Variants in KCNK13 observed in about 807,000 individuals in gnomAD.
KCNK13 encodes the protein potassium two pore domain channel subfamily K member 13, also known as potassium channel subfamily K member 13.
Under a neutral mutation model 23.4 loss-of-function variants are expected in KCNK13, and 12 were observed. The observed-to-expected ratio is 0.51, with a 90% CI of 0.33 to 0.83. KCNK13 has a LOEUF of 0.83. Among genes scored for constraint, KCNK13 ranks in the 40% least tolerant of loss-of-function variants. The pLI is 0.02. For synonymous variants in KCNK13, 231 were observed against 229.5 expected (o/e 1.01, Z -0.06); for missense variants, 463 against 556.3 (o/e 0.83, Z 1.69).
chr14:90,117,115 G>A (rs1229863321), intron 1 of KCNK13, among the ~76,000 whole-genome samples: 1 of 152,140 alleles, frequency 6.6e-6, no homozygotes, highest in Non-Finnish European at 1.5e-5. Context: ...CCATTGTTAA[G>A]AAAAAGAAGG....
At chr14:90,138,413 A>G (rs1889963668) in intron 1 of KCNK13, among the ~76,000 whole-genome samples, 1 of 152,126 alleles carries the variant, frequency 6.6e-6, no homozygotes, top group African/African-American at 2.4e-5. Flanking sequence ...CTTTCTCCCA[A>G]TGTGCTGATG....
At chr14:90,127,050 T>A (rs926905807) in intron 1 of KCNK13, among the ~76,000 whole-genome samples, 42 of 152,048 alleles carry the variant, frequency 2.8e-4, no homozygotes, top group African/African-American at 9.4e-4. Flanking sequence ...TAGGGAAAAA[T>A]AAAGGAAGTC....
At chr14:90,093,964 G>A (rs1302160072) in intron 1 of KCNK13, among the ~76,000 whole-genome samples, 2 of 152,136 alleles carry the variant, frequency 1.3e-5, no homozygotes, top group Admixed American at 6.6e-5. Flanking sequence ...AATGGGATTT[G>A]CAGGGGGTGC....
At chr14:90,141,766 T>A (rs568888035) in intron 1 of KCNK13, among the ~76,000 whole-genome samples, 1 of 136,146 alleles carries the variant, frequency 7.3e-6, no homozygotes, top group Non-Finnish European at 1.6e-5. Context: ...CCTTATGCCC[T>A]CTTGGGTTTT....
chr14:90,120,414 T>C (rs916098517), intron 1 of KCNK13, among the ~76,000 whole-genome samples: 5 of 152,134 alleles, frequency 3.3e-5, no homozygotes, highest in African/African-American at 9.7e-5. Flanking sequence ...GGGTAACTTA[T>C]AAAGAAAAGA....
chr14:90,108,084 G>A (rs1037366062), intron 1 of KCNK13: 4 of 501,848 alleles, frequency 8.0e-6, no homozygotes, highest in African/African-American at 3.9e-5. Context: ...ATGAATTTGG[G>A]GGGCACAAAC....
At chr14:90,088,794 T>C (rs1336285035) in intron 1 of KCNK13, among the ~76,000 whole-genome samples, 1 of 152,128 alleles carries the variant, frequency 6.6e-6, no homozygotes, top group East Asian at 1.9e-4. Context: ...GGGAGGTTAT[T>C]GAATTATGGG....
At chr14:90,088,263 C>G (rs1489638295) in intron 1 of KCNK13, among the ~76,000 whole-genome samples, 1 of 152,026 alleles carries the variant, frequency 6.6e-6, no homozygotes, top group African/African-American at 2.4e-5. Context: ...GGCCTTGGAC[C>G]AAAGGCAACA....
intron 1 of KCNK13, among the ~76,000 whole-genome samples, chr14:90,086,648 G>T (rs928262730): frequency 5.9e-5 from 9 of 152,092 alleles, no homozygotes; most frequent in Non-Finnish European, 1.2e-4. Context: ...ACGTCTGGGG[G>T]TCCCATGCTT....
chr14:90,112,892 TAAAA>T (rs1392622207), intron 1 of KCNK13, among the ~76,000 whole-genome samples: 2 of 149,346 alleles, frequency 1.3e-5, no homozygotes, highest in Non-Finnish European at 3.0e-5. Context: ...ATTTATTGTA[TAAAA>T]AAAGTCTGTT....
chr14:90,133,913 C>T (rs1889904521), intron 1 of KCNK13, among the ~76,000 whole-genome samples: 1 of 152,162 alleles, frequency 6.6e-6, no homozygotes, highest in African/African-American at 2.4e-5. Context: ...CTCAGTATAA[C>T]TCCATGGGTG....
chr14:90,110,486 GA>G (rs11292418), intron 1 of KCNK13, among the ~76,000 whole-genome samples: 42,139 of 135,578 alleles, frequency 0.31, 6,047 homozygotes, highest in South Asian at 0.43. Flanking sequence ...TCTCAAAAAA[GA>G]AAAAAAAAAA....
At chr14:90,159,969 G>T (rs1566648948) in intron 1 of KCNK13, among the ~76,000 whole-genome samples, 1 of 151,750 alleles carries the variant, frequency 6.6e-6, no homozygotes, top group African/African-American at 2.4e-5. Flanking sequence ...GTGTGTGTGT[G>T]TGTGTGCACA....
intron 1 of KCNK13, among the ~76,000 whole-genome samples, chr14:90,089,864 C>G (rs2140400278): frequency 1.3e-5 from 2 of 152,364 alleles, no homozygotes; most frequent in South Asian, 4.1e-4. Context: ...TTGGTAGCTT[C>G]CGTGTGGTGT....
chr14:90,091,087 G>T (rs893473020), intron 1 of KCNK13, among the ~76,000 whole-genome samples: 4 of 152,178 alleles, frequency 2.6e-5, no homozygotes, highest in Non-Finnish European at 4.4e-5. Flanking sequence ...AAGTGCCGAG[G>T]TTCCTCTTGT....
chr14:90,106,998 G>C (rs965324384), intron 1 of KCNK13, among the ~76,000 whole-genome samples: 1 of 152,124 alleles, frequency 6.6e-6, no homozygotes, highest in Non-Finnish European at 1.5e-5. Context: ...CCCAGCCTGG[G>C]AGACAGACTG....
chr14:90,084,950 T>C (rs1889254696), intron 1 of KCNK13, among the ~76,000 whole-genome samples: 1 of 152,136 alleles, frequency 6.6e-6, no homozygotes, highest in Non-Finnish European at 1.5e-5. Flanking sequence ...ATTCATTTAT[T>C]TATTTATTTT....
chr14:90,158,736 G>T lies in KCNK13; in HGVS notation c.335-25375G>T, dbSNP rs552056878. ...TCTTTCCAAATATTTGACAAACATTGTCCTCGAGTCAAGGTCTCTGTCCTC... is the reference window on the plus strand; with the variant it reads ...TCTTTCCAAATATTTGACAAACATTTTCCTCGAGTCAAGGTCTCTGTCCTC... On this transcript the variant is annotated intron_variant, in intron 1 of 1. Transcript: ENST00000282146. Among the ~76,000 whole-genome samples the T allele has an allele frequency of 4.6e-5, 7 of 152,258 alleles. No homozygotes were observed. The East Asian group carries it at 1.2e-3, about 25-fold the overall frequency.
At chr14:90,085,097 G>A (rs537354078) in intron 1 of KCNK13, among the ~76,000 whole-genome samples, 61 of 151,624 alleles carry the variant, frequency 4.0e-4, no homozygotes, top group African/African-American at 1.4e-3. Context: ...CGTGTGCCAC[G>A]ACGCCCAGCT....
Sources: allele counts gnomAD v4.1 joint callset (sites outside exome capture counted in the v4.1 genomes callset), GRCh38; gene constraint gnomAD v4.1.1; transcripts MANE v1.5; gene names NCBI Gene and HGNC (gene_info 2026-07-23, HGNC 2026-07-21).